SEMA3A: variants seen among roughly 807,000 people sequenced by gnomAD.
SEMA3A encodes semaphorin-3A.
A neutral mutation model predicts 97.9 loss-of-function variants in SEMA3A; 29 were observed. That is an observed-to-expected ratio of 0.30 (90% CI 0.22 to 0.40). SEMA3A has a LOEUF of 0.40. Among genes scored for constraint, SEMA3A ranks in the 10% least tolerant of loss-of-function variants. SEMA3A has a pLI of 1.00. For synonymous variants in SEMA3A, 321 were observed against 323.7 expected (o/e 0.99, Z 0.09); for missense variants, 763 against 951.3 (o/e 0.80, Z 2.60).
intron 1 of SEMA3A, among the ~76,000 whole-genome samples, chr7:84,424,841 A>ATG (rs1176830283): frequency 3.0e-5 from 3 of 98,572 alleles, no homozygotes; most frequent in South Asian, 3.4e-4. Context: ...CTAAATATAT[A>ATG]TTTATATATA....
chr7:84,459,125 G>T (rs1212432789), intron 1 of SEMA3A, among the ~76,000 whole-genome samples: 1 of 151,884 alleles, frequency 6.6e-6, no homozygotes, highest in Non-Finnish European at 1.5e-5. Flanking sequence ...TATCCCCTAA[G>T]GACCCATTAC....
At chr7:84,026,097 T>C (rs1791533847) in intron 6 of SEMA3A, among the ~76,000 whole-genome samples, 2 of 152,318 alleles carry the variant, frequency 1.3e-5, no homozygotes, top group Admixed American at 6.5e-5. Context: ...CAACGGTTCG[T>C]AGTTTTCCTC....
At chr7:84,475,121 G>A (rs1356406892) in intron 1 of SEMA3A, among the ~76,000 whole-genome samples, 1 of 152,108 alleles carries the variant, frequency 6.6e-6, no homozygotes, top group Non-Finnish European at 1.5e-5. Context: ...TGCAGGGGCT[G>A]GGAAAGAGGG....
At chr7:84,147,134 ATAC>A (rs1331119228) in intron 1 of SEMA3A, among the ~76,000 whole-genome samples, 1 of 152,202 alleles carries the variant, frequency 6.6e-6, no homozygotes, top group Non-Finnish European at 1.5e-5. Flanking sequence ...CAAATTATAT[ATAC>A]TACATTTTCC....
rs188804245 is a variant in SEMA3A, at chr7:84,113,548, A to G, written c.334-2959T>C. Among the ~76,000 whole-genome samples, 404 of 152,282 alleles carry G rather than the reference A, an allele frequency of 2.7e-3. 2 individuals carry two copies. Among genetic ancestry groups the G allele is most frequent in the Admixed American group, 4.1e-3 (62 of 15,274 alleles). ...TGACGATTCTTAAAACTCAGAATGT[A>G]ATGTACTTTTTGGCCTTAAACTACT... On this transcript the variant is annotated intron_variant, in intron 3 of 16. Coordinates refer to ENST00000265362, the MANE Select transcript of SEMA3A (RefSeq NM_006080.3).
intron 1 of SEMA3A, among the ~76,000 whole-genome samples, chr7:84,412,214 G>A (rs1432214160): frequency 6.6e-6 from 1 of 152,168 alleles, no homozygotes; most frequent in Non-Finnish European, 1.5e-5. Context: ...GAGGCTACAG[G>A]AGGTCACAGG....
chr7:84,379,033 T>C (rs1803186248), intron 1 of SEMA3A, among the ~76,000 whole-genome samples: 2 of 152,000 alleles, frequency 1.3e-5, no homozygotes, highest in Admixed American at 6.6e-5. Flanking sequence ...GTTCATGCCG[T>C]TCTCCTGCCT....
chr7:84,367,872 A>G (rs1000696658), intron 2 of SEMA3A, among the ~76,000 whole-genome samples: 8 of 151,204 alleles, frequency 5.3e-5, no homozygotes, highest in African/African-American at 1.9e-4. Context: ...CAAATCTACA[A>G]TTCTGTTTAT....
intron 4 of SEMA3A, among the ~76,000 whole-genome samples, chr7:84,075,458 CT>C (rs35489504): frequency 0.29 from 35,017 of 119,000 alleles, 4,293 homozygotes; most frequent in African/African-American, 0.41. Flanking sequence ...TGCACCTGGT[CT>C]TTTTTTTTTT....
At chr7:84,383,116 A>G (rs1030643815) in intron 1 of SEMA3A, among the ~76,000 whole-genome samples, 8 of 152,142 alleles carry the variant, frequency 5.3e-5, no homozygotes, top group Non-Finnish European at 1.2e-4. Flanking sequence ...AATAAAAAAG[A>G]AATAACAAAG....
intron 12 of SEMA3A, among the ~76,000 whole-genome samples, chr7:83,994,932 G>A (rs1584521056): frequency 6.6e-6 from 1 of 152,028 alleles, no homozygotes; most frequent in Non-Finnish European, 1.5e-5. Flanking sequence ...CCGCCTTGCA[G>A]TTTGATCTCA....
At chr7:84,459,530 T>C (rs1485556451) in intron 1 of SEMA3A, among the ~76,000 whole-genome samples, 1 of 152,152 alleles carries the variant, frequency 6.6e-6, no homozygotes, top group Non-Finnish European at 1.5e-5. Flanking sequence ...ATAAACTAGA[T>C]ATTCAAATCA....
chr7:84,016,472 A>G (rs1791105973), intron 6 of SEMA3A, among the ~76,000 whole-genome samples: 1 of 150,724 alleles, frequency 6.6e-6, no homozygotes, highest in Non-Finnish European at 1.5e-5. Context: ...CGGGAGGCGG[A>G]GCTTGCAGTG....
chr7:84,194,308 C>A (rs1798144908), intron 1 of SEMA3A, among the ~76,000 whole-genome samples, 167 bp downstream of exon 1: 1 of 151,802 alleles, frequency 6.6e-6, no homozygotes, highest in Non-Finnish European at 1.5e-5. Context: ...AGAAGACATG[C>A]TTTTTACAAA....
intron 5 of SEMA3A, among the ~76,000 whole-genome samples, chr7:84,057,437 TAA>T (rs1215359918): frequency 6.6e-6 from 1 of 151,814 alleles, no homozygotes; most frequent in African/African-American, 2.4e-5. Context: ...AACAAATTCA[TAA>T]AAAAAATTTG....
intron 12 of SEMA3A, among the ~76,000 whole-genome samples, chr7:83,997,025 G>T (rs1398625395): frequency 6.6e-6 from 1 of 152,140 alleles, no homozygotes; most frequent in Non-Finnish European, 1.5e-5. Flanking sequence ...ATTAGTCAGG[G>T]TGTTCTTATG....
intron 1 of SEMA3A, among the ~76,000 whole-genome samples, chr7:84,492,280 A>T (rs1806753690): frequency 6.6e-6 from 1 of 152,114 alleles, no homozygotes; most frequent in African/African-American, 2.4e-5. Context: ...CTTCAGGAGC[A>T]TTTAAGTATT....
At chr7:84,116,163 T>C (rs1040669591) in intron 3 of SEMA3A, among the ~76,000 whole-genome samples, 1 of 152,166 alleles carries the variant, frequency 6.6e-6, no homozygotes, top group Non-Finnish European at 1.5e-5. Context: ...TGTTGGAGTC[T>C]TTAATGTCCA....
chr7:84,488,329 C>T (rs915759416), intron 1 of SEMA3A, among the ~76,000 whole-genome samples: 1 of 151,474 alleles, frequency 6.6e-6, no homozygotes, highest in African/African-American at 2.4e-5. Context: ...CACACACACA[C>T]ACACACACAC....
Sources: gnomAD v4.1 joint callset for allele counts (sites outside exome capture counted in the v4.1 genomes callset) on GRCh38, gnomAD v4.1.1 for gene constraint, MANE v1.5 for transcripts, NCBI Gene and HGNC (gene_info 2026-07-23, HGNC 2026-07-21) for gene names.